The following STRBP variants were observed in gnomAD, a reference collection of about 807,000 sequenced individuals.
STRBP encodes the protein spermatid perinuclear RNA-binding protein.
STRBP carries 13 observed loss-of-function variants against 80.1 expected under a neutral mutation model. That is an observed-to-expected ratio of 0.16 (90% confidence interval 0.11 to 0.26). The LOEUF (loss-of-function observed/expected upper bound fraction) is 0.26, where lower values mean the gene tolerates loss of function less well. Ranked by LOEUF, STRBP falls within the 10% of genes least tolerant of loss-of-function variation. STRBP has a pLI of 1.00. For missense variants in STRBP, 485 were observed against 815.2 expected, an observed-to-expected ratio of 0.59 and a Z score of 4.93; for synonymous variants, 284 against 291.2, an observed-to-expected ratio of 0.98 and a Z score of 0.25.
chr9:123,194,700 T>A (rs552697653), intron 2 of STRBP, among the ~76,000 whole-genome samples: 1 of 152,226 alleles, frequency 6.6e-6, no homozygotes, highest in South Asian at 2.1e-4. Flanking sequence ...TCCCCTAGGA[T>A]TTCCATGGTA....
At chr9:123,226,321 T>C (rs949225567) in intron 2 of STRBP, among the ~76,000 whole-genome samples, 1 of 152,200 alleles carries the variant, frequency 6.6e-6, no homozygotes, top group African/African-American at 2.4e-5. Flanking sequence ...TCAAAATTCA[T>C]AGAACCGTAT....
intron 2 of STRBP, among the ~76,000 whole-genome samples, chr9:123,226,007 A>T (rs1304183667): frequency 6.6e-6 from 1 of 152,254 alleles, no homozygotes; most frequent in Non-Finnish European, 1.5e-5. Flanking sequence ...CATAATGGCC[A>T]AAAACTAGAA....
chr9:123,157,706 G>C (rs1177286116), intron 11 of STRBP, among the ~76,000 whole-genome samples: 1 of 151,960 alleles, frequency 6.6e-6, no homozygotes, highest in East Asian at 1.9e-4. Flanking sequence ...TTGGGGAAAA[G>C]CCTCTTATAA....
At chr9:123,251,455 G>T (rs1335334164) in intron 1 of STRBP, among the ~76,000 whole-genome samples, 1 of 152,138 alleles carries the variant, frequency 6.6e-6, no homozygotes, top group Non-Finnish European at 1.5e-5. Context: ...TCAAAATCAG[G>T]CCTGTGTGAC....
chr9:123,243,265 C>CAAAAAAAA (rs1160280485), intron 1 of STRBP, among the ~76,000 whole-genome samples: 3,708 of 74,944 alleles, frequency 0.049, 1 homozygote, highest in Middle Eastern at 0.08. Flanking sequence ...ATCAATAAGA[C>CAAAAAAAA]AAAAAAAAAA....
At chr9:123,238,277 C>G (rs2040613093) in intron 1 of STRBP, among the ~76,000 whole-genome samples, 1 of 152,214 alleles carries the variant, frequency 6.6e-6, no homozygotes, top group Non-Finnish European at 1.5e-5. Context: ...GCAAGACTCC[C>G]ATTTCTAAAA....
intron 4 of STRBP, among the ~76,000 whole-genome samples, chr9:123,177,227 A>G (rs1210097261): frequency 6.6e-6 from 1 of 152,176 alleles, no homozygotes; most frequent in Non-Finnish European, 1.5e-5. Context: ...TGTTCCACAA[A>G]ACGGAAAGAC....
At chr9:123,150,474 G>A (rs956089421) in intron 11 of STRBP, among the ~76,000 whole-genome samples, 20 of 152,162 alleles carry the variant, frequency 1.3e-4, no homozygotes, top group African/African-American at 4.1e-4. Flanking sequence ...GGCTGAGGCA[G>A]GAGGATTCAT....
chr9:123,158,037 A>G lies in STRBP; in HGVS notation c.1020T>C (p.Tyr340=). 1 of 1,610,684 alleles carries G rather than the reference A, an allele frequency of 6.2e-7. No homozygotes were observed. ...CTTCTTTATCAGTAACTGACCAGGA[A>G]TACTTCTGAAAAGGCTTACTAGATG... ...PLPSSKPFQK[Y]SWSVTDKEGA... is the part of the protein sequence containing the mutation. Residue 340 remains tyrosine (Y), a synonymous_variant, in exon 11 of 19, where the codon TAT becomes TAC. Transcript: ENST00000348403.
rs766003416 is a variant in STRBP, at chr9:123,135,999, C to T, written c.1773+42G>A. 3.7e-6 allele frequency: 6 copies of T among 1,601,030 alleles called. No homozygotes were observed. In the African/African-American group the frequency reaches 8.1e-5, roughly 22 times the overall value. The stretch of plus-strand genomic sequence containing the variant: ...AGGAAAGAAAATTTAATTCCTCTAA[C>T]ATTTTTCACAGGTTCTGCAAAGGTT... On this transcript the variant is annotated intron_variant, in intron 16 of 18. Transcript: ENST00000348403.
chr9:123,122,388 C>A lies in STRBP; in HGVS notation c.*3209G>T. 1 of 1,265,654 alleles carries A rather than the reference C, an allele frequency of 7.9e-7. No homozygotes were observed. The highest frequency in any genetic ancestry group is 1.0e-6 in the Non-Finnish European group (1 of 979,438). The allele number at this position is 1,265,654 out of a possible 1,614,324, so 78.4% of individuals were successfully genotyped here. A position where few individuals can be genotyped will look rare whatever the true frequency, so the allele number is the denominator to read the frequency against. On this transcript the variant is annotated 3_prime_UTR_variant, in exon 19 of 19. Transcript: ENST00000348403. ...ATACATTAACGAGGTATTCCCAGCT[C>A]TTCAATTAATAATGGTGGCTGATTC... is the stretch of plus-strand genomic sequence containing the variant.
Position 123,136,780 on chromosome 9 carries a change from C to T in STRBP, c.1498-265G>A, listed in dbSNP as rs1199492052. Among the ~76,000 whole-genome samples, 1 of 152,146 alleles carries T rather than the reference C, an allele frequency of 6.6e-6. No homozygotes were observed. Among genetic ancestry groups the T allele is most frequent in the East Asian group, 1.9e-4 (1 of 5,194 alleles). ...TCAATGCAACCTCACCACTGTGGGC[C>T]ACTCCAGGCTCTGCTCTGTAGTGTT... On this transcript the variant is annotated intron_variant, in intron 14 of 18. Coordinates refer to ENST00000348403, the MANE Select transcript of STRBP (RefSeq NM_018387.5). This position sits in a 1 kb window ranked among gnomAD's most constrained non-coding sequence, Gnocchi z 4.2.
chr9:123,203,817 C>CA (rs1448718134), intron 2 of STRBP, among the ~76,000 whole-genome samples: 2 of 151,884 alleles, frequency 1.3e-5, no homozygotes, highest in African/African-American at 2.4e-5. Flanking sequence ...ACTAAAATTA[C>CA]AAAAATTAGC....
chr9:123,218,195 G>A (rs2039956484), intron 2 of STRBP, among the ~76,000 whole-genome samples: 1 of 151,878 alleles, frequency 6.6e-6, no homozygotes, highest in Non-Finnish European at 1.5e-5. Context: ...CACATTCTTA[G>A]CATAGAATGT....
chr9:123,132,478 TTAAG>T (rs2036175569), intron 17 of STRBP, among the ~76,000 whole-genome samples: 1 of 152,204 alleles, frequency 6.6e-6, no homozygotes, highest in Non-Finnish European at 1.5e-5. Flanking sequence ...TTCACCCTAA[TTAAG>T]TAACCTCTTA....
At chr9:123,204,077 T>C (rs192835075) in intron 2 of STRBP, among the ~76,000 whole-genome samples, 5 of 152,334 alleles carry the variant, frequency 3.3e-5, no homozygotes, top group East Asian at 1.9e-4. Context: ...GGATTTACCA[T>C]TGGCAGATGG....
chr9:123,147,745 G>C, intron 12 of STRBP, 33 bp downstream of exon 12: 1 of 1,457,892 alleles, frequency 6.9e-7, no homozygotes, highest in Non-Finnish European at 9.4e-7. Context: ...GTCCTCTCTA[G>C]TTTGCATCTA....
chr9:123,142,176 C>A (rs2036616287), intron 13 of STRBP, among the ~76,000 whole-genome samples: 1 of 152,166 alleles, frequency 6.6e-6, no homozygotes, highest in Non-Finnish European at 1.5e-5. Context: ...GGAGGTGGGG[C>A]CTGGTGGGAG....
intron 6 of STRBP, among the ~76,000 whole-genome samples, chr9:123,167,785 AAG>A (rs1171543361): frequency 6.6e-6 from 1 of 152,192 alleles, no homozygotes; most frequent in Non-Finnish European, 1.5e-5. Flanking sequence ...AAACACCTTG[AAG>A]AGAGACTATG....
Sources: allele counts gnomAD v4.1 joint callset (sites outside exome capture counted in the v4.1 genomes callset), GRCh38; gene constraint gnomAD v4.1.1; non-coding constraint Gnocchi (gnomAD v3.1); transcripts MANE v1.5; gene names NCBI Gene and HGNC (gene_info 2026-07-23, HGNC 2026-07-21).